The following GPHN variants were observed in gnomAD, a reference collection of about 807,000 sequenced individuals.
The protein encoded by GPHN is gephyrin.
A neutral mutation model predicts 95.5 loss-of-function variants in GPHN; 17 were observed. The ratio of observed to expected loss-of-function variants is 0.18; its 90% CI spans 0.12 to 0.27. GPHN has a LOEUF of 0.27. Ranked by LOEUF, GPHN falls within the 10% of genes least tolerant of loss-of-function variation. The probability of loss-of-function intolerance (pLI) is 1.00; values close to 1 mark genes in which losing one functional copy is unlikely to be tolerated. For missense variants in GPHN, 660 were observed against 978.1 expected, an observed-to-expected ratio of 0.67 and a Z score of 4.34; for synonymous variants, 320 against 322.5, an observed-to-expected ratio of 0.99 and a Z score of 0.08.
chr14:67,340,444 A>G, the GPHN span: 1 of 1,613,610 alleles, frequency 6.2e-7, no homozygotes, highest in East Asian at 2.2e-5. Flanking sequence ...ACAAACCTAT[A>G]GAACTCTTCT....
the GPHN span, chr14:67,353,175 T>C: frequency 4.6e-6 from 3 of 658,010 alleles, no homozygotes; most frequent in Non-Finnish European, 7.7e-6. Flanking sequence ...AATTTGTAGC[T>C]GACAGGTTTA....
Position 66,930,431 on chromosome 14 carries a change from A to T in GPHN, c.828+6139A>T, listed in dbSNP as rs113366461. On this transcript the variant is annotated intron_variant, in intron 8 of 22. Coordinates refer to ENST00000478722, the MANE Select transcript of GPHN (RefSeq NM_020806.5). ...GGAGTTAAGAGCAAAGAGACAACTGATAAAAACTCTACACTTTAAATTCAT... is the reference window on the plus strand; with the variant it reads ...GGAGTTAAGAGCAAAGAGACAACTGTTAAAAACTCTACACTTTAAATTCAT... 3.1e-3 allele frequency among the ~76,000 whole-genome samples: 471 copies of T among 152,146 alleles called. 11 individuals carry two copies. The highest frequency in any genetic ancestry group is 0.011 in the African/African-American group (446 of 41,532).
chr14:67,286,690 T>C, the GPHN span, among the ~76,000 whole-genome samples: 2 of 149,534 alleles, frequency 1.3e-5, no homozygotes, highest in Non-Finnish European at 3.0e-5. Flanking sequence ...ACTCCATCTC[T>C]ACCAAAAAAA....
chr14:67,336,638 A>AAATC, the GPHN span: 1 of 440,668 alleles, frequency 2.3e-6, no homozygotes. Context: ...AAATTAAATC[A>AAATC]AATCATACTT....
the GPHN span, chr14:67,578,149 C>A: frequency 6.2e-7 from 1 of 1,613,988 alleles, no homozygotes; most frequent in Non-Finnish European, 8.5e-7. The surrounding 1 kb of genome is among the most constrained non-coding windows in gnomAD (Gnocchi z 5.0). Flanking sequence ...CTACTGCCAA[C>A]TCATGAAGCA....
At chr14:67,513,797 G>A in the GPHN span, among the ~76,000 whole-genome samples, 39 of 152,172 alleles carry the variant, frequency 2.6e-4, no homozygotes, top group Admixed American at 2.5e-3. Flanking sequence ...AAAAAAATCT[G>A]AGCTCCCAAA....
the GPHN span, among the ~76,000 whole-genome samples, chr14:67,437,570 C>T: frequency 3.3e-5 from 5 of 152,030 alleles, no homozygotes; most frequent in South Asian, 2.1e-4. Context: ...ATAGGCTGTG[C>T]GGGCAGCCGT....
At chr14:67,128,862 T>C (rs1294573514) in intron 17 of GPHN, among the ~76,000 whole-genome samples, 1 of 151,310 alleles carries the variant, frequency 6.6e-6, no homozygotes. Flanking sequence ...TTGCCCACAC[T>C]GGAGTGCAAT....
intron 9 of GPHN, among the ~76,000 whole-genome samples, chr14:66,998,334 C>T (rs1243768563): frequency 6.6e-6 from 1 of 152,004 alleles, no homozygotes; most frequent in Non-Finnish European, 1.5e-5. Flanking sequence ...TCCATAGGTG[C>T]TGTTTATGTT....
the GPHN span, among the ~76,000 whole-genome samples, chr14:67,400,094 G>A: frequency 6.6e-6 from 1 of 152,204 alleles, no homozygotes; most frequent in Non-Finnish European, 1.5e-5. Flanking sequence ...CGTACTAAGA[G>A]CTGTTAGAGA....
the GPHN span, chr14:67,320,452 C>G: frequency 6.8e-7 from 1 of 1,475,304 alleles, no homozygotes. Context: ...CAGCTCAGAA[C>G]CTAACTATAT....
the GPHN span, among the ~76,000 whole-genome samples, chr14:67,511,301 T>A: frequency 6.6e-6 from 1 of 152,132 alleles, no homozygotes; most frequent in East Asian, 1.9e-4. Context: ...CATCTTTTCA[T>A]ATTTATTAGC....
At chr14:67,223,842 T>A in the GPHN span, 10 of 985,800 alleles carry the variant, frequency 1.0e-5, no homozygotes, top group East Asian at 1.1e-3. Context: ...TTCCATACAC[T>A]TTTACTCTCA....
the GPHN span, chr14:67,725,404 A>T: frequency 2.4e-6 from 2 of 827,074 alleles, no homozygotes; most frequent in Middle Eastern, 3.3e-4. Context: ...GGGAATTGGC[A>T]AGAGGATGGT....
At chr14:67,341,511 T>TGG in the GPHN span, among the ~76,000 whole-genome samples, 1 of 123,758 alleles carries the variant, frequency 8.1e-6, no homozygotes, top group Non-Finnish European at 1.7e-5. Context: ...GGGAGGGAGG[T>TGG]GGGGGGGGTC....
At chr14:66,924,543 T>C (rs1035337101) in intron 8 of GPHN, among the ~76,000 whole-genome samples, 1 of 152,198 alleles carries the variant, frequency 6.6e-6, no homozygotes, top group Non-Finnish European at 1.5e-5. Flanking sequence ...ATCAAATGAC[T>C]TGCAAGAAAG....
chr14:67,124,798 C>T (rs969894483), intron 17 of GPHN, among the ~76,000 whole-genome samples: 2 of 140,910 alleles, frequency 1.4e-5, no homozygotes, highest in Non-Finnish European at 3.0e-5. Context: ...TGCCCATTCT[C>T]CCTCTTACTG....
At chr14:67,682,210 T>A in the GPHN span, among the ~76,000 whole-genome samples, 1 of 152,186 alleles carries the variant, frequency 6.6e-6, no homozygotes, top group Admixed American at 6.5e-5. Context: ...TGACCTTGGG[T>A]AAGGCAATGA....
chr14:67,702,610 T>TA, the GPHN span, among the ~76,000 whole-genome samples: 5 of 152,234 alleles, frequency 3.3e-5, no homozygotes, highest in African/African-American at 9.6e-5. Context: ...ATTTTACTAA[T>TA]AATTTTAAAG....
Sources: gnomAD v4.1 joint callset for allele counts (sites outside exome capture counted in the v4.1 genomes callset) on GRCh38, gnomAD v4.1.1 for gene constraint, Gnocchi (gnomAD v3.1) non-coding constraint, MANE v1.5 for transcripts, NCBI Gene and HGNC (gene_info 2026-07-23, HGNC 2026-07-21) for gene names.